The following CDH12 variants were observed in gnomAD, a reference collection of about 807,000 sequenced individuals.
CDH12 encodes the protein cadherin 12.
A neutral mutation model predicts 74.1 loss-of-function variants in CDH12; 41 were observed. That is an observed-to-expected ratio of 0.55 (90% CI 0.43 to 0.72). The LOEUF (loss-of-function observed/expected upper bound fraction) is 0.72, where lower values mean the gene tolerates loss of function less well. CDH12 is among the 30% of genes least tolerant of loss of function. The pLI is 0.00. For missense variants in CDH12, 945 were observed against 977.2 expected (o/e 0.97, Z 0.44); for synonymous variants, 399 against 355.0 (o/e 1.12, Z -1.39).
intron 3 of CDH12, among the ~76,000 whole-genome samples, chr5:22,360,414 G>A (rs1322420179): frequency 6.6e-6 from 1 of 152,164 alleles, no homozygotes; most frequent in East Asian, 1.9e-4. Flanking sequence ...ACAAATAACA[G>A]GCTCTGAAAT....
chr5:22,606,437 C>A (rs72637713), intron 1 of CDH12, among the ~76,000 whole-genome samples: 9,998 of 152,228 alleles, frequency 0.066, 438 homozygotes, highest in East Asian at 0.24. Flanking sequence ...AGGGGATTAT[C>A]CTAGTGGAGA....
intron 10 of CDH12, among the ~76,000 whole-genome samples, chr5:21,801,447 A>G (rs1296788466): frequency 6.6e-6 from 1 of 152,124 alleles, no homozygotes; most frequent in African/African-American, 2.4e-5. Flanking sequence ...CAATAGAACG[A>G]ATGGGAAATA....
rs1483810594 is a variant in CDH12, at chr5:22,753,273, T to C, written c.-523+99785A>G. 5.3e-5 allele frequency among the ~76,000 whole-genome samples: 8 copies of C among 151,582 alleles called. No homozygotes were observed. The East Asian group carries it at 1.4e-3, about 26-fold the overall frequency. ...AGGTGGTGATGAACCCTGTCTCTAT[T>C]AAAAATACAAAAAATTAGCCGGGCA... On this transcript the variant is annotated intron_variant, in intron 1 of 14. Transcript: ENST00000382254.
intron 1 of CDH12, among the ~76,000 whole-genome samples, chr5:22,544,572 T>A (rs1333308717): frequency 6.6e-6 from 1 of 152,070 alleles, no homozygotes; most frequent in Non-Finnish European, 1.5e-5. Flanking sequence ...TTCCAACACT[T>A]CGAGAGGCCG....
At chr5:22,772,120 T>C (rs974014232) in intron 1 of CDH12, among the ~76,000 whole-genome samples, 3 of 151,898 alleles carry the variant, frequency 2.0e-5, no homozygotes, top group Admixed American at 6.6e-5. Context: ...TGTAATATGG[T>C]GTGGTAGGGT....
Position 22,529,204 on chromosome 5 carries a change from G to T in CDH12, c.-522-23840C>A, listed in dbSNP as rs1309613538. ...ATATATATATAGAGAGAGAGAGAGAGAGAGAGAGAGAGAGAGAGAGAAGAG... is the reference window on the plus strand; with the variant it reads ...ATATATATATAGAGAGAGAGAGAGATAGAGAGAGAGAGAGAGAGAGAAGAG... On this transcript the variant is annotated intron_variant, in intron 1 of 14. Transcript: ENST00000382254. Among the ~76,000 whole-genome samples the T allele has an allele frequency of 3.2e-3, 471 of 146,076 alleles. 8 individuals carry two copies. The highest frequency in any genetic ancestry group is 3.4e-3 in the Non-Finnish European group (224 of 66,492).
intron 1 of CDH12, among the ~76,000 whole-genome samples, chr5:22,748,877 T>C (rs1745419763): frequency 1.3e-5 from 2 of 152,182 alleles, no homozygotes; most frequent in Admixed American, 6.5e-5. Flanking sequence ...TTGACTTCAG[T>C]TCATCAGTTA....
At chr5:22,380,112 T>C (rs1741697499) in intron 3 of CDH12, among the ~76,000 whole-genome samples, 1 of 152,228 alleles carries the variant, frequency 6.6e-6, no homozygotes, top group East Asian at 1.9e-4. Flanking sequence ...TAAGGCAATA[T>C]TGGAAGGTAG....
chr5:22,521,017 T>C lies in CDH12; in HGVS notation c.-522-15653A>G, dbSNP rs1737034043. Among the ~76,000 whole-genome samples the C allele has an allele frequency of 4.0e-5, 6 of 151,678 alleles. No individual in the cohort carries two copies. The South Asian group carries it at 1.3e-3, about 32-fold the overall frequency. ...TTTTTTTTTTTGTCTTAGTAAAGCG[T>C]GTTGTTTAACTGAGCATCCTGTATC... On this transcript the variant is annotated intron_variant, in intron 1 of 14. Transcript: ENST00000382254.
At chr5:22,521,877 G>A (rs1737068727) in intron 1 of CDH12, among the ~76,000 whole-genome samples, 1 of 152,142 alleles carries the variant, frequency 6.6e-6, no homozygotes, top group Non-Finnish European at 1.5e-5. Flanking sequence ...TCCAAATAGA[G>A]TTTCCTACCT....
intron 1 of CDH12, among the ~76,000 whole-genome samples, chr5:22,807,085 G>T (rs1417955183): frequency 3.3e-5 from 5 of 152,012 alleles, no homozygotes; most frequent in Non-Finnish European, 5.9e-5. Flanking sequence ...AGATTTTCTT[G>T]TAGGGTTTTT....
At chr5:22,580,247 T>G in intron 1 of CDH12, 2 of 341,782 alleles carry the variant, frequency 5.9e-6, no homozygotes, top group Non-Finnish European at 5.9e-6. Context: ...ATCTCCAAGC[T>G]TCATGTCTCA....
chr5:22,357,589 G>C (rs1740618350), intron 3 of CDH12, among the ~76,000 whole-genome samples: 1 of 152,098 alleles, frequency 6.6e-6, no homozygotes, highest in South Asian at 2.1e-4. Flanking sequence ...CAATAAAAAA[G>C]TGGGCACTTT....
intron 1 of CDH12, among the ~76,000 whole-genome samples, chr5:22,730,732 T>A (rs1580935943): frequency 6.6e-6 from 1 of 151,558 alleles, no homozygotes; most frequent in Admixed American, 6.6e-5. Flanking sequence ...AAACCAACAA[T>A]GGAAAAAAAA....
chr5:22,579,133 T>A (rs968484243), intron 1 of CDH12, among the ~76,000 whole-genome samples: 2 of 152,322 alleles, frequency 1.3e-5, no homozygotes, highest in Middle Eastern at 3.4e-3. Context: ...CTGGAATCTC[T>A]AAAGAGTTCA....
At chr5:21,927,787 AG>A (rs1237533133) in intron 6 of CDH12, among the ~76,000 whole-genome samples, 4 of 151,918 alleles carry the variant, frequency 2.6e-5, no homozygotes, top group Non-Finnish European at 5.9e-5. Flanking sequence ...TGGTGAAAAC[AG>A]GCCTGGTGCG....
intron 2 of CDH12, among the ~76,000 whole-genome samples, chr5:22,455,581 G>A (rs1341217831): frequency 6.6e-6 from 1 of 152,160 alleles, no homozygotes; most frequent in Non-Finnish European, 1.5e-5. Context: ...GCATGAAAAT[G>A]TCAATTACAG....
chr5:22,301,624 C>A (rs1737885056), intron 3 of CDH12, among the ~76,000 whole-genome samples: 1 of 151,732 alleles, frequency 6.6e-6, no homozygotes, highest in African/African-American at 2.4e-5. Flanking sequence ...TTTTTCATCC[C>A]CTTTTTATTT....
Position 22,626,744 on chromosome 5 carries a change from G to A in CDH12, c.-522-121380C>T, listed in dbSNP as rs139075712. ...CTCCCCCAGCAATGGTTCTTACACAGGCTGAAATGGCTAAAATGACAGACA... is the reference window on the plus strand; with the variant it reads ...CTCCCCCAGCAATGGTTCTTACACAAGCTGAAATGGCTAAAATGACAGACA... On this transcript the variant is annotated intron_variant, in intron 1 of 14. Transcript: ENST00000382254. 3.0e-3 allele frequency among the ~76,000 whole-genome samples: 453 copies of A among 152,218 alleles called. 4 individuals carry two copies. The highest frequency in any genetic ancestry group is 0.01 in the African/African-American group (432 of 41,530).
Sources: gnomAD v4.1 joint callset for allele counts (sites outside exome capture counted in the v4.1 genomes callset) on GRCh38, gnomAD v4.1.1 for gene constraint, MANE v1.5 for transcripts, NCBI Gene and HGNC (gene_info 2026-07-23, HGNC 2026-07-21) for gene names.